SGSM2: variants seen among roughly 807,000 people sequenced by gnomAD.
SGSM2 encodes small G protein signaling modulator 2, also known as RUN and TBC1 domain containing 1.
A neutral mutation model predicts 126.6 loss-of-function variants in SGSM2; 89 were observed. The ratio of observed to expected loss-of-function variants is 0.70; its 90% CI spans 0.59 to 0.84. SGSM2 has a LOEUF of 0.84. Ranked by LOEUF, SGSM2 falls within the 40% of genes least tolerant of loss-of-function variation. The probability of loss-of-function intolerance (pLI) is 0.00; values close to 1 mark genes in which losing one functional copy is unlikely to be tolerated. For synonymous variants in SGSM2, 614 were observed against 574.3 expected (o/e 1.07, Z -0.99); for missense variants, 1,404 against 1,416.6 (o/e 0.99, Z 0.14).
At chr17:2,378,099 C>G in intron 22 of SGSM2, 146 bp downstream of exon 22, 1 of 556,546 alleles carries the variant, frequency 1.8e-6, no homozygotes, top group Non-Finnish European at 3.2e-6. Context: ...CCACCCAGCC[C>G]AGACTCATGA....
chr17:2,351,697 G>T (rs1470914592), intron 2 of SGSM2, among the ~76,000 whole-genome samples: 1 of 152,136 alleles, frequency 6.6e-6, no homozygotes, highest in African/African-American at 2.4e-5. Flanking sequence ...AGCTGGGTCT[G>T]CAGGTCTACG....
chr17:2,341,947 G>C (rs535062566), intron 1 of SGSM2, among the ~76,000 whole-genome samples: 1 of 152,170 alleles, frequency 6.6e-6, no homozygotes, highest in South Asian at 2.1e-4. Flanking sequence ...CAAACGCCGG[G>C]TGTTTGTACG....
At chr17:2,364,746 A>T (rs2065476516) in intron 9 of SGSM2, 83 bp downstream of exon 9, 2 of 1,566,850 alleles carry the variant, frequency 1.3e-6, no homozygotes, top group Non-Finnish European at 8.8e-7. Flanking sequence ...GGCCTGTAAG[A>T]CTCCTCGTCC....
intron 12 of SGSM2, among the ~76,000 whole-genome samples, chr17:2,370,918 T>C (rs1597378566): frequency 6.6e-6 from 1 of 152,246 alleles, no homozygotes; most frequent in East Asian, 1.9e-4. Context: ...AGCTCAGGTC[T>C]TTGTTCCTTC....
At chr17:2,375,416 C>G (rs2066085131) in intron 17 of SGSM2, 76 bp from the exon 18 acceptor site, 1 of 1,522,028 alleles carries the variant, frequency 6.6e-7, no homozygotes, top group African/African-American at 1.4e-5. Flanking sequence ...TTCCAGCTCC[C>G]TTCTGGCCCG....
At chr17:2,376,636 T>C (rs956462418) in intron 19 of SGSM2, 97 bp from the exon 20 acceptor site, 33 of 1,339,716 alleles carry the variant, frequency 2.5e-5, no homozygotes, top group Non-Finnish European at 3.3e-5. Flanking sequence ...AAAGGCTGAC[T>C]TCTGGGCGGC....
chr17:2,364,861 G>T, intron 9 of SGSM2, 36 bp from the exon 10 acceptor site: 1 of 1,597,686 alleles, frequency 6.3e-7, no homozygotes, highest in Non-Finnish European at 8.5e-7. Flanking sequence ...TAGCCGACGA[G>T]AGGGCCTCAG....
chr17:2,354,215 T>TTTTGTTTTTTTTTTTG (rs145443393), intron 2 of SGSM2, among the ~76,000 whole-genome samples: 11 of 151,690 alleles, frequency 7.3e-5, no homozygotes, highest in Admixed American at 1.3e-4. Context: ...CCTAGAGTTT[T>TTTTGTTTTTTTTTTTG]TTTGTTTGTT....
At chr17:2,377,788 C>T (rs1030887917) in intron 21 of SGSM2, 69 bp from the exon 22 acceptor site, 14 of 1,020,344 alleles carry the variant, frequency 1.4e-5, no homozygotes, top group Middle Eastern at 4.7e-4. Context: ...CGTGAGCGGA[C>T]GGTGAGTGGC....
At chr17:2,345,364 A>G (rs1339942232) in intron 2 of SGSM2, among the ~76,000 whole-genome samples, 1 of 151,346 alleles carries the variant, frequency 6.6e-6, no homozygotes, top group Non-Finnish European at 1.5e-5. Flanking sequence ...TGGGAGGTGG[A>G]GGTGGGCGGA....
At chr17:2,358,507 G>A (rs2065172224) in intron 2 of SGSM2, among the ~76,000 whole-genome samples, 1 of 152,120 alleles carries the variant, frequency 6.6e-6, no homozygotes, top group Non-Finnish European at 1.5e-5. Context: ...CCAGGCATTG[G>A]AGACCAGCCT....
In SGSM2 at chr17:2,363,577, A is replaced by C. The variant is rs1412827864; in HGVS notation, c.785A>C (p.Lys262Thr). ...TCACGGACGCGGCTGCTCTATGGCA[A>C]GAACCACGTGCTGGTGCAGCCGGTA... ...QNSRTRLLYG[K>T]NHVLVQPKED... The change falls in exon 7 of 24, where the codon AAG becomes ACG. Residue 262 changes from lysine (K) to threonine (T), a missense_variant. Lys to Thr is a moderately conservative substitution (Grantham distance 78, BLOSUM62 -1). Coordinates refer to ENST00000268989, the MANE Select transcript of SGSM2 (RefSeq NM_014853.3). The surrounding 1 kb of genome is among the most constrained non-coding windows in gnomAD (Gnocchi z 4.2). 4 of 1,613,226 alleles carry C rather than the reference A, an allele frequency of 2.5e-6. No homozygotes were observed. The highest frequency in any genetic ancestry group is 2.5e-6 in the Non-Finnish European group (3 of 1,179,894).
At chr17:2,351,000 C>T (rs550808063) in intron 2 of SGSM2, among the ~76,000 whole-genome samples, 1 of 152,220 alleles carries the variant, frequency 6.6e-6, no homozygotes, top group South Asian at 2.1e-4. Flanking sequence ...CGCCTGTAAT[C>T]CCAGCACTTT....
chr17:2,363,543 C>T lies in SGSM2; in HGVS notation c.751C>T (p.His251Tyr). 6.2e-7 allele frequency: 1 copy of T among 1,613,574 alleles called. No homozygotes were observed. The highest frequency in any genetic ancestry group is 1.1e-5 in the South Asian group (1 of 91,076). ...TGCCCGCGAGTGTGTGGAGTCCCTG[C>T]ACCAGAACTCACGGACGCGGCTGCT... ...ACARECVESL[H>Y]QNSRTRLLYG... The change falls in exon 7 of 24, where the codon CAC becomes TAC. Residue 251 changes from histidine to tyrosine, a missense_variant. Transcript: ENST00000268989. The surrounding 1 kb of genome is among the most constrained non-coding windows in gnomAD (Gnocchi z 4.2).
At chr17:2,378,050 A>G (rs1159658844) in intron 22 of SGSM2, 97 bp downstream of exon 22, 9 of 762,598 alleles carry the variant, frequency 1.2e-5, no homozygotes, top group Non-Finnish European at 2.0e-5. Context: ...GGACCTTGGA[A>G]CCACCTGGGG....
intron 2 of SGSM2, among the ~76,000 whole-genome samples, chr17:2,360,788 G>A (rs1483884909): frequency 6.6e-6 from 1 of 152,260 alleles, no homozygotes; most frequent in Non-Finnish European, 1.5e-5. Flanking sequence ...AGACACACCT[G>A]GACGTGGCAA....
In SGSM2 at chr17:2,376,143, T is replaced by C. The variant is rs758212830; in HGVS notation, c.2491T>C (p.Leu831=). 2 of 1,614,062 alleles carry C rather than the reference T, an allele frequency of 1.2e-6. No individual in the cohort carries two copies. Among genetic ancestry groups the C allele is most frequent in the South Asian group, 1.1e-5 (1 of 91,090 alleles). The change falls in exon 19 of 24, where the codon TTA becomes CTA. Residue 831 remains leucine (L), a synonymous_variant. Transcript: ENST00000268989. The stretch of plus-strand genomic sequence containing the variant: ...GGGCCCTCCACTCTTCCAGATAGAA[T>C]TACTGGACACTGTGGCCTTAAACCT... ...AVCAAAYTIE[L]LDTVALNLHR...
Position 2,371,667 on chromosome 17 carries a change from T to A in SGSM2, c.1577+252T>A, listed in dbSNP as rs533400541. The stretch of plus-strand genomic sequence containing the variant: ...TGCCACTTGCTGCCTGCAGTACTTA[T>A]GAGGACAGAATGAGAGAGAACCCAA... On this transcript the variant is annotated intron_variant, in intron 13 of 23. Coordinates refer to ENST00000268989, the MANE Select transcript of SGSM2 (RefSeq NM_014853.3). The A allele has an allele frequency of 4.3e-4, 219 of 509,086 alleles. 1 individual carries two copies. In the East Asian group the frequency reaches 7.9e-3, roughly 18 times the overall value. The allele number at this position is 509,086 out of a possible 1,614,324, so 31.5% of individuals were successfully genotyped here.
In SGSM2 at chr17:2,372,854, C is replaced by T. The variant is rs978180336; in HGVS notation, c.1789-99C>T. The stretch of plus-strand genomic sequence containing the variant: ...CTTGCCTGGGCTTCAGCAGTCACTA[C>T]AGGCCCCGCCCCAGCCCATTCTCCG... On this transcript the variant is annotated intron_variant, in intron 15 of 23. Transcript: ENST00000268989. The surrounding 1 kb of genome is among the most constrained non-coding windows in gnomAD (Gnocchi z 6.0). 2.0e-6 allele frequency: 3 copies of T among 1,476,326 alleles called. No homozygotes were observed. The highest frequency in any genetic ancestry group is 1.4e-5 in the African/African-American group (1 of 71,480). The allele number at this position is 1,476,326 out of a possible 1,614,324, so 91.5% of individuals were successfully genotyped here.
Sources: allele counts gnomAD v4.1 joint callset (sites outside exome capture counted in the v4.1 genomes callset), GRCh38; gene constraint gnomAD v4.1.1; non-coding constraint Gnocchi (gnomAD v3.1); transcripts MANE v1.5; gene names NCBI Gene and HGNC (gene_info 2026-07-23, HGNC 2026-07-21).